COL8A1: variants seen among roughly 807,000 people sequenced by gnomAD.
The protein encoded by COL8A1 is collagen alpha-1(VIII) chain.
A neutral mutation model predicts 42.7 loss-of-function variants in COL8A1; 21 were observed. The observed-to-expected ratio is 0.49, with a 90% CI of 0.35 to 0.71. The LOEUF is 0.71. COL8A1 is among the 30% of genes least tolerant of loss of function. The pLI is 0.01. For synonymous variants in COL8A1, 367 were observed against 369.1 expected (o/e 0.99, Z 0.06); for missense variants, 788 against 962.4 (o/e 0.82, Z 2.40).
chr3:99,766,815 G>A (rs1298942116), intron 2 of COL8A1, among the ~76,000 whole-genome samples: 2 of 152,162 alleles, frequency 1.3e-5, no homozygotes, highest in South Asian at 4.1e-4. Context: ...CAAGTGTGGT[G>A]GCAGGCACCT....
In COL8A1 at chr3:99,793,713, TA is replaced by T. The variant is rs932329981; in HGVS notation, c.329-508del. ...TTATCAAAAAAATACCTCAAATACA[TA>T]AAAAAAAATTGTCAGCTTGATTTTT... is the stretch of plus-strand genomic sequence containing the variant. On this transcript the variant is annotated intron_variant, in intron 3 of 3. Coordinates refer to ENST00000652472, the MANE Select transcript of COL8A1 (RefSeq NM_020351.4). Among the ~76,000 whole-genome samples the T allele has an allele frequency of 3.8e-3, 569 of 151,662 alleles. 2 individuals are homozygous for T. Among genetic ancestry groups the T allele is most frequent in the African/African-American group, 0.012 (497 of 41,414 alleles).
rs141503544 is a variant in COL8A1, at chr3:99,732,701, G to A, written c.-128-12196G>A. ...GCCCCTGGCCCCTCCCAAATCTCAT[G>A]TCCTCACATTTCAAAACACAATCAT... On this transcript the variant is annotated intron_variant, in intron 1 of 3. Transcript: ENST00000652472. Among the ~76,000 whole-genome samples, 532 of 152,092 alleles carry A rather than the reference G, an allele frequency of 3.5e-3. 2 individuals are homozygous for A. Among genetic ancestry groups the A allele is most frequent in the African/African-American group, 0.012 (500 of 41,488 alleles).
At chr3:99,652,822 A>G (rs1937889896) in intron 1 of COL8A1, among the ~76,000 whole-genome samples, 1 of 152,240 alleles carries the variant, frequency 6.6e-6, no homozygotes, top group South Asian at 2.1e-4. Flanking sequence ...AAATTTTTAA[A>G]TGATAGTTTT....
At chr3:99,663,442 C>T (rs1017644682) in intron 1 of COL8A1, among the ~76,000 whole-genome samples, 1 of 152,116 alleles carries the variant, frequency 6.6e-6, no homozygotes, top group Non-Finnish European at 1.5e-5. Context: ...TAATGTTGGG[C>T]TGCAAAATTC....
intron 2 of COL8A1, among the ~76,000 whole-genome samples, chr3:99,761,299 T>C (rs1941360163): frequency 6.6e-6 from 1 of 152,286 alleles, no homozygotes; most frequent in Non-Finnish European, 1.5e-5. Flanking sequence ...CTTGGCAATT[T>C]TTGCAAACCT....
chr3:99,707,366 C>A (rs72932366), intron 1 of COL8A1, among the ~76,000 whole-genome samples: 1 of 152,274 alleles, frequency 6.6e-6, no homozygotes, highest in South Asian at 2.1e-4. Flanking sequence ...CAGAGGGCAC[C>A]AGGTGTTGGT....
At position 99,651,200 on chromosome 3, in the gene COL8A1, ATCTCATTTCTT is replaced by A. The variant is rs374706610; in HGVS notation, c.-129+12538_-129+12548del. 2.0e-3 allele frequency among the ~76,000 whole-genome samples: 300 copies of A among 152,298 alleles called. 1 individual carries two copies. Among genetic ancestry groups the A allele is most frequent in the African/African-American group, 6.9e-3 (287 of 41,552 alleles). ...TGAAAAAGTTCCATTATTCATTACC[ATCTCATTTCTT>A]TTCCCTTTGGGGAAAAAGCATGGTT... On this transcript the variant is annotated intron_variant, in intron 1 of 3. Coordinates refer to ENST00000652472, the MANE Select transcript of COL8A1 (RefSeq NM_020351.4).
chr3:99,651,911 A>G (rs1057497983), intron 1 of COL8A1, among the ~76,000 whole-genome samples: 3 of 152,178 alleles, frequency 2.0e-5, no homozygotes, highest in African/African-American at 7.2e-5. Context: ...TAAAATAATA[A>G]AAGACTTTAT....
chr3:99,733,868 G>A (rs925611803), intron 1 of COL8A1, among the ~76,000 whole-genome samples: 16 of 152,078 alleles, frequency 1.1e-4, no homozygotes, highest in Non-Finnish European at 1.6e-4. Context: ...GTATCTCAAT[G>A]TGGTTTTGAT....
chr3:99,778,315 T>G (rs1941732256), intron 2 of COL8A1, among the ~76,000 whole-genome samples: 1 of 152,192 alleles, frequency 6.6e-6, no homozygotes, highest in African/African-American at 2.4e-5. Flanking sequence ...TGGGGTCACT[T>G]AGTCCAACAA....
At chr3:99,718,882 A>G (rs1391451110) in intron 1 of COL8A1, among the ~76,000 whole-genome samples, 1 of 152,096 alleles carries the variant, frequency 6.6e-6, no homozygotes, top group Non-Finnish European at 1.5e-5. Flanking sequence ...CATCTTATTT[A>G]GCATGAATTT....
At chr3:99,654,249 G>A (rs772464077) in intron 1 of COL8A1, among the ~76,000 whole-genome samples, 2 of 152,140 alleles carry the variant, frequency 1.3e-5, no homozygotes, top group Admixed American at 6.5e-5. Context: ...CACCCAGATT[G>A]AGGGTGGATC....
At chr3:99,704,413 T>C (rs1442459135) in intron 1 of COL8A1, among the ~76,000 whole-genome samples, 3 of 151,880 alleles carry the variant, frequency 2.0e-5, no homozygotes, top group African/African-American at 4.8e-5. Flanking sequence ...TTTTTTTTTC[T>C]GTTTTTTTTT....
intron 1 of COL8A1, among the ~76,000 whole-genome samples, chr3:99,652,512 T>G (rs942307912): frequency 2.0e-5 from 3 of 152,206 alleles, no homozygotes; most frequent in Non-Finnish European, 2.9e-5. Flanking sequence ...GATCATCCCA[T>G]CCCTGAAGTC....
chr3:99,765,614 T>G, intron 2 of COL8A1, among the ~76,000 whole-genome samples: 1 of 152,224 alleles, frequency 6.6e-6, no homozygotes, highest in Middle Eastern at 3.2e-3. Flanking sequence ...GAACACTTCT[T>G]ATTCTACATC....
At chr3:99,786,021 C>A (rs1396211380) in intron 2 of COL8A1, among the ~76,000 whole-genome samples, 1 of 151,422 alleles carries the variant, frequency 6.6e-6, no homozygotes, top group Non-Finnish European at 1.5e-5. Context: ...GAAGAACATA[C>A]TTTTGAAATG....
chr3:99,685,047 T>C (rs1939006168), intron 1 of COL8A1, among the ~76,000 whole-genome samples: 3 of 152,182 alleles, frequency 2.0e-5, no homozygotes, highest in Non-Finnish European at 4.4e-5. Flanking sequence ...TTAAAAATGT[T>C]AATATACCAT....
At chr3:99,641,562 A>G (rs962860359) in intron 1 of COL8A1, among the ~76,000 whole-genome samples, 2 of 152,222 alleles carry the variant, frequency 1.3e-5, no homozygotes, top group Non-Finnish European at 2.9e-5. Context: ...GGGTCACGTC[A>G]ACAAAACCAA....
intron 1 of COL8A1, among the ~76,000 whole-genome samples, chr3:99,649,296 A>G (rs1937760379): frequency 1.3e-5 from 2 of 152,048 alleles, no homozygotes; most frequent in South Asian, 4.1e-4. Context: ...AAAGACTGTG[A>G]GCTCCTTGCA....
Sources: gnomAD v4.1 joint callset for allele counts (sites outside exome capture counted in the v4.1 genomes callset) on GRCh38, gnomAD v4.1.1 for gene constraint, MANE v1.5 for transcripts, NCBI Gene and HGNC (gene_info 2026-07-23, HGNC 2026-07-21) for gene names.